The following CDH26 variants were observed in gnomAD, a reference collection of about 807,000 sequenced individuals.
The protein encoded by CDH26 is cadherin 26.
CDH26 carries 83 observed loss-of-function variants against 90.3 expected under a neutral mutation model. The observed-to-expected ratio is 0.92, with a 90% CI of 0.77 to 1.10. The LOEUF (loss-of-function observed/expected upper bound fraction) is 1.10. Among genes scored for constraint, CDH26 ranks in the 50% least tolerant of loss-of-function variants. The pLI is 0.00. For missense variants in CDH26, 1,013 were observed against 1,037.6 expected, an observed-to-expected ratio of 0.98 and a Z score of 0.33; for synonymous variants, 397 against 396.3, an observed-to-expected ratio of 1.00 and a Z score of -0.02.
At position 60,021,916 on chromosome 20, in the gene CDH26, A is replaced by ATATC. The variant is rs1261005381; in HGVS notation, c.948-9314_948-9313insATCT. Among the ~76,000 whole-genome samples, 417 of 96,150 alleles carry ATATC rather than the reference A, an allele frequency of 4.3e-3. 68 individuals carry two copies. The highest frequency in any genetic ancestry group is 6.2e-3 in the Non-Finnish European group (245 of 39,494). The allele number at this position is 96,150 out of a possible 152,430, so 63.1% of individuals were successfully genotyped here. A position where few individuals can be genotyped will look rare whatever the true frequency, so the allele number is the denominator to read the frequency against. On this transcript the variant is annotated intron_variant, in intron 7 of 8. Coordinates refer to the CDH26 transcript ENST00000370991. ...CACACACATATATATATATATATATATCCTGACTATTTTCATAGGCCTTTC... is the reference window on the plus strand; with the variant it reads ...CACACACATATATATATATATATATATATCTCCTGACTATTTTCATAGGCCTTTC...
At chr20:59,999,055 T>C (rs1378141497) in intron 13 of CDH26, among the ~76,000 whole-genome samples, 1 of 152,174 alleles carries the variant, frequency 6.6e-6, no homozygotes, top group African/African-American at 2.4e-5. Context: ...CACATTCTAC[T>C]ACTAAACTAT....
In CDH26 at chr20:59,994,372, C is replaced by A; in HGVS notation, c.1549C>A (p.Pro517Thr). The change falls in exon 11 of 18, where the codon CCC becomes ACC. Residue 517 changes from proline (P) to threonine (T), a missense_variant. Physicochemically the swap from Pro to Thr is conservative, Grantham distance 38. Transcript: ENST00000348616. ...GGTCTGTGAGTCTGCTGTGCATGAG[C>A]CCCTCCACATCGAGGCAGAGGATCC... ...MEVCESAVHE[P>T]LHIEAEDPDL... 8 of 1,614,114 alleles carry A rather than the reference C, an allele frequency of 5.0e-6. No individual in the cohort carries two copies. The highest frequency in any genetic ancestry group is 6.8e-6 in the Non-Finnish European group (8 of 1,180,028).
At chr20:59,965,652 C>G (rs1057155006) in intron 1 of CDH26, among the ~76,000 whole-genome samples, 28 of 152,182 alleles carry the variant, frequency 1.8e-4, no homozygotes, top group African/African-American at 6.8e-4. Flanking sequence ...TGAAGAAATT[C>G]TGGCCTCGAG....
chr20:59,987,578 G>C lies in CDH26; in HGVS notation c.963G>C (p.Glu321Asp). Residue 321 changes from glutamate (E) to aspartate (D), a missense_variant, in exon 8 of 18, where the codon GAG becomes GAC. Physicochemically the swap from Glu to Asp is conservative, Grantham distance 45. Transcript: ENST00000348616. ...AKFNILHGNE[E>D]GHFDISTDPE... The stretch of plus-strand genomic sequence containing the variant: ...TCAACATATTGCATGGCAATGAAGA[G>C]GGGCATTTTGACATTTCGACTGACC... 1 of 1,613,920 alleles carries C rather than the reference G, an allele frequency of 6.2e-7. No individual in the cohort carries two copies. Among genetic ancestry groups the C allele is most frequent in the Non-Finnish European group, 8.5e-7 (1 of 1,179,916 alleles).
At chr20:60,019,136 A>G (rs956903892), downstream of CDH26, among the ~76,000 whole-genome samples, 7 of 152,168 alleles carry the variant, frequency 4.6e-5, no homozygotes, top group Middle Eastern at 0.014. Flanking sequence ...GCTGTTTTTA[A>G]AATTATTCCT....
At chr20:60,031,561 C>A in intron 8 of CDH26, 1 of 964,320 alleles carries the variant, frequency 1.0e-6, no homozygotes, top group Non-Finnish European at 1.3e-6. Flanking sequence ...TCCTCAGTTT[C>A]TTCAGATGAA....
At chr20:60,006,679 G>A in intron 16 of CDH26, 34 bp from the exon 17 acceptor site, 1 of 1,543,190 alleles carries the variant, frequency 6.5e-7, no homozygotes, top group Non-Finnish European at 9.0e-7. Flanking sequence ...CAAGGGCTCT[G>A]CTGTGGTATG....
chr20:60,021,867 C>G (rs796473098), intron 7 of CDH26, among the ~76,000 whole-genome samples: 3 of 90,406 alleles, frequency 3.3e-5, no homozygotes, highest in Admixed American at 1.2e-4. Context: ...CACACACACA[C>G]ACACACACAC....
At chr20:59,958,938 C>CT in intron 1 of CDH26, 143 bp downstream of exon 1, 1 of 758,072 alleles carries the variant, frequency 1.3e-6, no homozygotes, top group South Asian at 1.8e-5. Context: ...TTGAGAATGG[C>CT]TTAGGTAGCA....
intron 17 of CDH26, among the ~76,000 whole-genome samples, chr20:60,010,822 C>T (rs959786820): frequency 4.6e-5 from 7 of 152,202 alleles, no homozygotes; most frequent in Admixed American, 1.3e-4. Flanking sequence ...CTCTGGCTCA[C>T]GTCACACATC....
At chr20:60,000,798 C>CA (rs1273338699) in intron 14 of CDH26, among the ~76,000 whole-genome samples, 1 of 152,204 alleles carries the variant, frequency 6.6e-6, no homozygotes, top group Non-Finnish European at 1.5e-5. Context: ...GCCATTCACA[C>CA]ACTTTCTCTA....
chr20:59,994,389 A>ACCTC lies in CDH26; in HGVS notation c.1566_1567insCCTC (p.Glu523ProfsTer11), dbSNP rs767437419. Reference sequence around the variant, plus strand: ...TGCATGAGCCCCTCCACATCGAGGCAGAGGATCCGGACCTGGAGCCGTTCT... The same window carrying ACCTC: ...TGCATGAGCCCCTCCACATCGAGGCACCTCGAGGATCCGGACCTGGAGCCGTTCT... On this transcript the variant is annotated frameshift_variant, in exon 11 of 18. Transcript: ENST00000348616. LOFTEE classifies it high-confidence loss of function. The ACCTC allele has an allele frequency of 2.1e-4, 345 of 1,614,044 alleles. No individual in the cohort carries two copies. The highest frequency in any genetic ancestry group is 2.9e-4 in the Non-Finnish European group (339 of 1,180,034).
chr20:59,965,246 T>C (rs1193372695), intron 1 of CDH26, among the ~76,000 whole-genome samples: 1 of 152,190 alleles, frequency 6.6e-6, no homozygotes. Flanking sequence ...TGGCCTCTTG[T>C]ATTGTAATGT....
rs978494585 is a variant in CDH26 at position 59,970,079 on chromosome 20, C to T, written c.127-3C>T. On this transcript the variant is annotated splice_region_variant and splice_polypyrimidine_tract_variant and intron_variant, in intron 2 of 17. Coordinates refer to ENST00000348616, the MANE Select transcript of CDH26 (RefSeq NM_177980.4). Reference sequence around the variant, plus strand: ...TTGTCACCAGTGTCACTATAAGTTCCAGGAAAAGATCTACCAGCCTCTACG... The same window carrying T: ...TTGTCACCAGTGTCACTATAAGTTCTAGGAAAAGATCTACCAGCCTCTACG... 13 of 1,611,080 alleles carry T rather than the reference C, an allele frequency of 8.1e-6. No homozygotes were observed. The highest frequency in any genetic ancestry group is 1.1e-5 in the Non-Finnish European group (13 of 1,178,670).
chr20:60,012,447 T>G (rs1340783911), intron 17 of CDH26, 80 bp from the exon 18 acceptor site: 1 of 1,354,902 alleles, frequency 7.4e-7, no homozygotes, highest in Non-Finnish European at 1.0e-6. Flanking sequence ...ATTGATGTGT[T>G]CCTCGAATCA....
chr20:60,015,686 A>T (rs2061899787), downstream of CDH26, among the ~76,000 whole-genome samples: 1 of 152,110 alleles, frequency 6.6e-6, no homozygotes, highest in Non-Finnish European at 1.5e-5. Flanking sequence ...TCTTACTCAT[A>T]AGTTTTTTTA....
chr20:60,016,393 G>A (rs195020), downstream of CDH26, among the ~76,000 whole-genome samples: 3,360 of 152,110 alleles, frequency 0.022, 105 homozygotes, highest in African/African-American at 0.076. Context: ...AAAAGGGATT[G>A]CTGTCTTGAT....
Position 59,989,058 on chromosome 20 carries a change from C to A in CDH26, c.1178C>A (p.Pro393Gln). 1 of 1,614,194 alleles carries A rather than the reference C, an allele frequency of 6.2e-7. No individual in the cohort carries two copies. Among genetic ancestry groups the A allele is most frequent in the Non-Finnish European group, 8.5e-7 (1 of 1,180,044 alleles). ...GTGCAGGTGACAGACGCCAACGACC[C>A]ACCAGCCTTTCACCCCCAGAGCTTC... ...VSVQVTDAND[P>Q]PAFHPQSFIV... The change falls in exon 9 of 18, where the codon CCA becomes CAA. Residue 393 changes from proline to glutamine, a missense_variant. Pro to Gln is a moderately conservative substitution (Grantham distance 76). Transcript: ENST00000348616.
In CDH26 at chr20:60,012,689, C is replaced by A. The variant is rs904575940; in HGVS notation, c.2458C>A (p.Pro820Thr). The part of the protein sequence containing the change: ...LLDSLGSKAT[P>T]FEEIYSESGV... ...GGACTCTTTGGGTTCAAAAGCGACT[C>A]CGTTTGAGGAAATATATTCAGAGTC... is the stretch of plus-strand genomic sequence containing the variant. Residue 820 changes from proline to threonine, a missense_variant, in exon 18 of 18, where the codon CCG (proline) becomes ACG (threonine). Pro to Thr is a conservative substitution (Grantham distance 38). Coordinates refer to ENST00000348616, the MANE Select transcript of CDH26 (RefSeq NM_177980.4). 1.2e-6 allele frequency: 2 copies of A among 1,613,772 alleles called. No homozygotes were observed. Among genetic ancestry groups the A allele is most frequent in the African/African-American group, 2.7e-5 (2 of 74,778 alleles).
Sources: allele counts gnomAD v4.1 joint callset (sites outside exome capture counted in the v4.1 genomes callset), GRCh38; gene constraint gnomAD v4.1.1; transcripts MANE v1.5; gene names NCBI Gene and HGNC (gene_info 2026-07-23, HGNC 2026-07-21).